Variants in ITSN1 observed in about 807,000 individuals in gnomAD.
ITSN1 encodes intersectin 1, also known as intersectin-1.
A neutral mutation model predicts 239.8 loss-of-function variants in ITSN1; 58 were observed. The observed-to-expected ratio is 0.24, with a 90% confidence interval of 0.20 to 0.30. The LOEUF is 0.30. Ranked by LOEUF, ITSN1 falls within the 10% of genes least tolerant of loss-of-function variation. The probability of loss-of-function intolerance (pLI) is 1.00; values close to 1 mark genes in which losing one functional copy is unlikely to be tolerated. For missense variants in ITSN1, 1,558 were observed against 2,103.3 expected (o/e 0.74, Z 5.07); for synonymous variants, 780 against 770.8 (o/e 1.01, Z -0.20).
rs769093517 is a variant in ITSN1 at position 33,834,407 on chromosome 21, C to T, written c.3452C>T (p.Ser1151Leu). Reference sequence around the variant, plus strand: ...ATCACTCCAACAGAGCCACCTAAGTCAACAGCATTAGCGGCAGGTAAGGAG... The same window carrying T: ...ATCACTCCAACAGAGCCACCTAAGTTAACAGCATTAGCGGCAGGTAAGGAG... ...SKITPTEPPK[S>L]TALAAVCQVI... is the part of the protein sequence containing the mutation. Residue 1151 changes from serine (S) to leucine (L), a missense_variant, in exon 28 of 40, where the codon TCA becomes TTA. By Grantham distance (145) the Ser-to-Leu change is moderately radical (BLOSUM62 -2). Around this residue, in one of 2 missense-constraint regions of ITSN1, gnomAD observed 576 missense variants for 893.3 expected, o/e 0.64. Transcript: ENST00000381318. 4.3e-6 allele frequency: 7 copies of T among 1,611,320 alleles called. No individual in the cohort carries two copies. The East Asian group carries it at 6.7e-5, about 15-fold the overall frequency.
chr21:33,713,069 GGTT>G (rs1348212259), intron 1 of ITSN1, among the ~76,000 whole-genome samples: 3 of 151,698 alleles, frequency 2.0e-5, no homozygotes, highest in African/African-American at 7.3e-5. Flanking sequence ...TTAGAGACAG[GGTT>G]TTATCATGTT....
chr21:33,694,081 G>A (rs534982908), intron 1 of ITSN1, among the ~76,000 whole-genome samples: 5 of 152,262 alleles, frequency 3.3e-5, no homozygotes, highest in South Asian at 4.1e-4. Flanking sequence ...TAGCACGATC[G>A]TAGCTCACTG....
intron 27 of ITSN1, among the ~76,000 whole-genome samples, chr21:33,832,660 G>C (rs761143353): frequency 4.6e-5 from 7 of 151,964 alleles, no homozygotes; most frequent in Non-Finnish European, 7.4e-5. Context: ...GTAGATAAAC[G>C]TGGAAATTTG....
intron 29 of ITSN1, among the ~76,000 whole-genome samples, chr21:33,841,164 C>T (rs2074809667): frequency 2.6e-5 from 4 of 152,288 alleles, no homozygotes; most frequent in Non-Finnish European, 4.4e-5. Context: ...CTGGTATCTT[C>T]CCTGTTTCTG....
At chr21:33,695,604 A>G (rs949076323) in intron 1 of ITSN1, among the ~76,000 whole-genome samples, 1 of 152,232 alleles carries the variant, frequency 6.6e-6, no homozygotes, top group East Asian at 1.9e-4. Context: ...TTGTGAATAA[A>G]TTAGATTATA....
At position 33,795,319 on chromosome 21, in the gene ITSN1, C is replaced by T. The variant is rs574107782; in HGVS notation, c.1952+851C>T. ...AAAAAATTAGCTGGGCACGGTGGCACGCGCCTGTAGTCCCAGCTACTTGGG... is the reference window on the plus strand; with the variant it reads ...AAAAAATTAGCTGGGCACGGTGGCATGCGCCTGTAGTCCCAGCTACTTGGG... On this transcript the variant is annotated intron_variant, in intron 17 of 39. Coordinates refer to ENST00000381318, the MANE Select transcript of ITSN1 (RefSeq NM_003024.3). 6.6e-5 allele frequency among the ~76,000 whole-genome samples: 10 copies of T among 152,222 alleles called. No individual in the cohort carries two copies. In the South Asian group the frequency reaches 2.1e-3, roughly 32 times the overall value.
At chr21:33,801,824 G>C (rs2072027472) in intron 19 of ITSN1, among the ~76,000 whole-genome samples, 1 of 152,168 alleles carries the variant, frequency 6.6e-6, no homozygotes, top group African/African-American at 2.4e-5. Context: ...GTTGGTTTGG[G>C]CATGCCACTC....
intron 8 of ITSN1, among the ~76,000 whole-genome samples, chr21:33,760,344 ACT>A (rs1018033154): frequency 3.9e-5 from 6 of 152,056 alleles, no homozygotes; most frequent in East Asian, 1.9e-4. Context: ...GTGCGATTAT[ACT>A]CTCTTTCATG....
rs142792534 is a variant in ITSN1 at position 33,751,961 on chromosome 21, A to G, written c.623+55A>G. The G allele has an allele frequency of 1.1e-3, 1,216 of 1,132,850 alleles. 9 individuals are homozygous for G. In the African/African-American group the frequency reaches 0.017, roughly 16 times the overall value. The allele number at this position is 1,132,850 out of a possible 1,614,324, so 70.2% of individuals were successfully genotyped here. On this transcript the variant is annotated intron_variant, in intron 7 of 39. Coordinates refer to ENST00000381318, the MANE Select transcript of ITSN1 (RefSeq NM_003024.3). ...TTGGTTAAGGCCATTACCTGATTAA[A>G]TCATAAATTTGACCATGAATCATCT...
At chr21:33,875,269 G>A (rs543245335) in intron 33 of ITSN1, 85 bp from the exon 34 acceptor site, 102 of 1,487,730 alleles carry the variant, frequency 6.9e-5, no homozygotes, top group African/African-American at 2.3e-4. Context: ...GCCCTGCCCC[G>A]CTGGGCCTGG....
At chr21:33,730,996 G>T (rs1300753397) in intron 4 of ITSN1, among the ~76,000 whole-genome samples, 2 of 152,146 alleles carry the variant, frequency 1.3e-5, no homozygotes, top group Non-Finnish European at 2.9e-5. Context: ...GCGCCCAGCC[G>T]TAACTACCAT....
At chr21:33,751,376 G>C (rs1427838408) in intron 6 of ITSN1, among the ~76,000 whole-genome samples, 1 of 152,188 alleles carries the variant, frequency 6.6e-6, no homozygotes, top group Non-Finnish European at 1.5e-5. Context: ...CACAAAAGCT[G>C]ACCTTCCCTA....
rs532434754 is a variant in ITSN1, at chr21:33,872,807, C to T, written c.4174-2547C>T. ...TCGGCCTCCCAAAGCAATTTTTATTCTTGAAATAATGGGGAGATTATTAGT... is the reference window on the plus strand; with the variant it reads ...TCGGCCTCCCAAAGCAATTTTTATTTTTGAAATAATGGGGAGATTATTAGT... On this transcript the variant is annotated intron_variant, in intron 33 of 39. Coordinates refer to ENST00000381318, the MANE Select transcript of ITSN1 (RefSeq NM_003024.3). Among the ~76,000 whole-genome samples, 11 of 152,262 alleles carry T rather than the reference C, an allele frequency of 7.2e-5. No homozygotes were observed. In the South Asian group the frequency reaches 2.3e-3, roughly 32 times the overall value.
intron 11 of ITSN1, among the ~76,000 whole-genome samples, chr21:33,770,571 C>T (rs946687158): frequency 6.6e-6 from 1 of 152,172 alleles, no homozygotes; most frequent in Non-Finnish European, 1.5e-5. Flanking sequence ...ATCCATCACT[C>T]CCTCCAGCCC....
At chr21:33,660,425 A>G (rs1256861629) in intron 1 of ITSN1, among the ~76,000 whole-genome samples, 5 of 152,214 alleles carry the variant, frequency 3.3e-5, no homozygotes, top group Non-Finnish European at 1.5e-5. Flanking sequence ...TTTACACTTA[A>G]AATAGCTGTA....
intron 8 of ITSN1, among the ~76,000 whole-genome samples, chr21:33,760,733 A>G (rs1309280332): frequency 3.3e-5 from 5 of 152,156 alleles, no homozygotes; most frequent in Non-Finnish European, 5.9e-5. Flanking sequence ...TGATGAGGTG[A>G]CGTTTGAATA....
chr21:33,762,348 C>A (rs545981012), intron 9 of ITSN1, among the ~76,000 whole-genome samples: 51 of 151,776 alleles, frequency 3.4e-4, no homozygotes, highest in African/African-American at 1.2e-3. Context: ...CTCACCGCAA[C>A]CTCCACCTCC....
At chr21:33,751,977 T>A in intron 7 of ITSN1, 71 bp downstream of exon 7, 1 of 981,176 alleles carries the variant, frequency 1.0e-6, no homozygotes, top group South Asian at 1.4e-5. Flanking sequence ...AATTTGACCA[T>A]GAATCATCTA....
chr21:33,782,727 TAAG>T (rs747140797), intron 16 of ITSN1, among the ~76,000 whole-genome samples: 7 of 152,162 alleles, frequency 4.6e-5, no homozygotes, highest in Non-Finnish European at 2.9e-5. Flanking sequence ...TGTATCATCT[TAAG>T]AATGTTAATT....
Sources: gnomAD v4.1 joint callset for allele counts (sites outside exome capture counted in the v4.1 genomes callset) on GRCh38, gnomAD v4.1.1 for gene constraint, gnomAD v4.1.1 regional missense constraint, MANE v1.5 for transcripts, NCBI Gene and HGNC (gene_info 2026-07-23, HGNC 2026-07-21) for gene names.